Variants in GNA12 observed in about 807,000 individuals in gnomAD.
GNA12 encodes the protein guanine nucleotide-binding protein subunit alpha-12.
Under a neutral mutation model 26.0 loss-of-function variants are expected in GNA12, and 9 were observed. That is an observed-to-expected ratio of 0.35 (90% CI 0.21 to 0.60). The LOEUF is 0.60. Among genes scored for constraint, GNA12 ranks in the 20% least tolerant of loss-of-function variants. The pLI is 0.78. For synonymous variants in GNA12, 264 were observed against 219.6 expected, an observed-to-expected ratio of 1.20 and a Z score of -1.79; for missense variants, 405 against 525.8, an observed-to-expected ratio of 0.77 and a Z score of 2.25.
Position 2,825,947 on chromosome 7 carries a change from A to G in GNA12, c.309+17906T>C, listed in dbSNP as rs567555257. The stretch of plus-strand genomic sequence containing the variant: ...CTGCTAATTAAAATACTGAGATGCC[A>G]TTCCTCACCTCTTAGGGCGGCTAAA... On this transcript the variant is annotated intron_variant, in intron 1 of 3. Coordinates refer to ENST00000275364, the MANE Select transcript of GNA12 (RefSeq NM_007353.3). 3.3e-5 allele frequency among the ~76,000 whole-genome samples: 5 copies of G among 152,242 alleles called. No homozygotes were observed. In the East Asian group the frequency reaches 9.7e-4, roughly 29 times the overall value.
At chr7:2,732,676 A>T (rs761939227) in intron 3 of GNA12, among the ~76,000 whole-genome samples, 3 of 152,218 alleles carry the variant, frequency 2.0e-5, no homozygotes, top group Non-Finnish European at 4.4e-5. Context: ...TAGAGGTCTG[A>T]CTACCACCCA....
rs187933852 is a variant in GNA12, at chr7:2,839,928, G to A, written c.309+3925C>T. On this transcript the variant is annotated intron_variant, in intron 1 of 3. Transcript: ENST00000275364. ...ACAGGAGAATCGCTTGAACCCCGGGGCGGAGGTTGCAGTGAGCTGAGATTG... is the reference window on the plus strand; with the variant it reads ...ACAGGAGAATCGCTTGAACCCCGGGACGGAGGTTGCAGTGAGCTGAGATTG... Among the ~76,000 whole-genome samples the A allele has an allele frequency of 4.5e-3, 685 of 152,276 alleles. 7 individuals carry two copies. Among genetic ancestry groups the A allele is most frequent in the African/African-American group, 0.016 (651 of 41,560 alleles).
intron 1 of GNA12, chr7:2,836,045 A>C: frequency 3.7e-6 from 1 of 272,644 alleles, no homozygotes; most frequent in South Asian, 4.7e-5. Flanking sequence ...AATACTTAAA[A>C]AAATTTGTTT....
chr7:2,750,045 G>A (rs1790953739), intron 2 of GNA12, among the ~76,000 whole-genome samples: 1 of 152,112 alleles, frequency 6.6e-6, no homozygotes, highest in South Asian at 2.1e-4. Context: ...ATTTCAAGAA[G>A]CTCCACAAAT....
rs1397893377 is a variant in GNA12 at position 2,806,380 on chromosome 7, G to C, written c.310-11237C>G. 3.3e-5 allele frequency among the ~76,000 whole-genome samples: 5 copies of C among 150,532 alleles called. No individual in the cohort carries two copies. In the East Asian group the frequency reaches 9.7e-4, roughly 29 times the overall value. On this transcript the variant is annotated intron_variant, in intron 1 of 3. Coordinates refer to ENST00000275364, the MANE Select transcript of GNA12 (RefSeq NM_007353.3). ...CAGGTGCCTGTAATCCCAGCTACTC[G>C]GGAGGCAGAGGTTGCAGTGAGCTGA...
intron 2 of GNA12, among the ~76,000 whole-genome samples, chr7:2,759,175 A>G (rs145201880): frequency 0.017 from 2,527 of 149,318 alleles, 72 homozygotes; most frequent in African/African-American, 0.06. Context: ...AAATAAATAA[A>G]TAAATAAATA....
intron 1 of GNA12, among the ~76,000 whole-genome samples, chr7:2,843,391 C>T (rs1583323806): frequency 6.6e-6 from 1 of 151,850 alleles, no homozygotes; most frequent in Admixed American, 6.6e-5. Flanking sequence ...TGCCTATAAT[C>T]CCAGCACTTG....
At chr7:2,749,812 G>C (rs1336634000) in intron 2 of GNA12, among the ~76,000 whole-genome samples, 1 of 152,088 alleles carries the variant, frequency 6.6e-6, no homozygotes, top group African/African-American at 2.4e-5. Flanking sequence ...AGAGAGGAAA[G>C]AATCAGTGAC....
chr7:2,838,934 C>T (rs1009322905), intron 1 of GNA12, among the ~76,000 whole-genome samples: 1 of 152,186 alleles, frequency 6.6e-6, no homozygotes, highest in South Asian at 2.1e-4. Flanking sequence ...GACAAATCCA[C>T]AATTATAGTT....
intron 1 of GNA12, among the ~76,000 whole-genome samples, chr7:2,827,667 T>C (rs1793515845): frequency 6.6e-6 from 1 of 152,064 alleles, no homozygotes; most frequent in Non-Finnish European, 1.5e-5. Flanking sequence ...AGGACATGAC[T>C]TAGAATAGGG....
intron 2 of GNA12, among the ~76,000 whole-genome samples, chr7:2,759,648 G>C (rs1040450996): frequency 2.6e-5 from 4 of 152,182 alleles, no homozygotes; most frequent in Admixed American, 6.5e-5. Flanking sequence ...AGAGGTGTTT[G>C]TTCATGCTGT....
chr7:2,803,479 A>C (rs1792867304), intron 1 of GNA12, among the ~76,000 whole-genome samples: 1 of 152,244 alleles, frequency 6.6e-6, no homozygotes, highest in Non-Finnish European at 1.5e-5. Flanking sequence ...TGCTCTCAAT[A>C]AAAGATGGAG....
At chr7:2,732,661 C>T (rs1481013017) in intron 3 of GNA12, among the ~76,000 whole-genome samples, 3 of 152,292 alleles carry the variant, frequency 2.0e-5, no homozygotes, top group Middle Eastern at 3.4e-3. Context: ...GATCATGCCT[C>T]GATCTAGAGG....
chr7:2,818,324 C>G (rs911854979), intron 1 of GNA12, among the ~76,000 whole-genome samples: 16 of 152,210 alleles, frequency 1.1e-4, no homozygotes, highest in Non-Finnish European at 1.8e-4. Flanking sequence ...CCATCAGATG[C>G]CGGCGGCACC....
chr7:2,813,176 T>A (rs750429806), intron 1 of GNA12, among the ~76,000 whole-genome samples: 26 of 152,208 alleles, frequency 1.7e-4, no homozygotes, highest in Non-Finnish European at 3.4e-4. Flanking sequence ...CTGCCTGGTA[T>A]CCAGCAACCT....
At chr7:2,789,430 CG>C (rs1385206557) in intron 2 of GNA12, among the ~76,000 whole-genome samples, 1 of 151,382 alleles carries the variant, frequency 6.6e-6, no homozygotes, top group Non-Finnish European at 1.5e-5. Flanking sequence ...CCACCGCGCC[CG>C]GCCCCTTCAG....
intron 2 of GNA12, among the ~76,000 whole-genome samples, chr7:2,757,270 G>C (rs1287839469): frequency 0.021 from 1 of 48 alleles, no homozygotes; most frequent in African/African-American, 0.031. Flanking sequence ...CAAGTAGCTG[G>C]GACCGCAGCG....
intron 1 of GNA12, among the ~76,000 whole-genome samples, chr7:2,805,924 G>A (rs1792935604): frequency 1.3e-5 from 2 of 152,150 alleles, no homozygotes; most frequent in Non-Finnish European, 2.9e-5. Context: ...CAGCTGAACT[G>A]AGAGGTATTA....
chr7:2,780,046 G>GTATATGTGTATA (rs1338485354), intron 2 of GNA12, among the ~76,000 whole-genome samples: 1 of 85,824 alleles, frequency 1.2e-5, no homozygotes, highest in Non-Finnish European at 2.3e-5. Flanking sequence ...ACACATTTCT[G>GTATATGTGTATA]TGTACATATA....
Sources: gnomAD v4.1 joint callset for allele counts (sites outside exome capture counted in the v4.1 genomes callset) on GRCh38, gnomAD v4.1.1 for gene constraint, MANE v1.5 for transcripts, NCBI Gene and HGNC (gene_info 2026-07-23, HGNC 2026-07-21) for gene names.